NELL1: variants seen among roughly 807,000 people sequenced by gnomAD.
NELL1 encodes the protein neural EGFL like 1, also known as protein kinase C-binding protein NELL1.
A neutral mutation model predicts 107.4 loss-of-function variants in NELL1; 76 were observed. The observed-to-expected ratio is 0.71, with a 90% confidence interval of 0.59 to 0.86. The LOEUF (loss-of-function observed/expected upper bound fraction) is 0.86, where lower values mean the gene tolerates loss of function less well. Ranked by LOEUF, NELL1 falls within the 40% of genes least tolerant of loss-of-function variation. NELL1 has a pLI of 0.00. For missense variants in NELL1, 1,024 were observed against 1,005.5 expected (o/e 1.02, Z -0.25); for synonymous variants, 353 against 341.2 (o/e 1.03, Z -0.38).
At chr11:20,897,002 G>C (rs1849755667) in intron 5 of NELL1, among the ~76,000 whole-genome samples, 1 of 152,162 alleles carries the variant, frequency 6.6e-6, no homozygotes, top group African/African-American at 2.4e-5. Context: ...GTAATTTATA[G>C]ATTCAGTGCC....
chr11:20,781,186 C>T (rs965820957), intron 2 of NELL1, among the ~76,000 whole-genome samples: 2 of 152,192 alleles, frequency 1.3e-5, no homozygotes, highest in South Asian at 2.1e-4. Context: ...TGGGAGCCCA[C>T]TTAACTTGTT....
At chr11:21,123,531 T>C (rs1855420764) in intron 13 of NELL1, among the ~76,000 whole-genome samples, 1 of 152,054 alleles carries the variant, frequency 6.6e-6, no homozygotes, top group African/African-American at 2.4e-5. Flanking sequence ...GATATATGGA[T>C]ACACATATAT....
chr11:21,256,735 C>T (rs552317245), intron 14 of NELL1, among the ~76,000 whole-genome samples: 1 of 151,956 alleles, frequency 6.6e-6, no homozygotes, highest in East Asian at 1.9e-4. Flanking sequence ...AGGACAATGA[C>T]AATGCAGAAG....
At chr11:21,476,346 A>T (rs1245561972) in intron 15 of NELL1, among the ~76,000 whole-genome samples, 1 of 152,176 alleles carries the variant, frequency 6.6e-6, no homozygotes, top group Admixed American at 6.5e-5. Flanking sequence ...AATAGAGGGT[A>T]GCATACTCAC....
intron 13 of NELL1, among the ~76,000 whole-genome samples, chr11:21,173,227 G>A (rs1275265124): frequency 6.6e-6 from 1 of 151,756 alleles, no homozygotes; most frequent in Non-Finnish European, 1.5e-5. Context: ...AAAGAGTTAC[G>A]TGACGGTAGG....
chr11:21,445,294 T>C (rs1853395043), intron 15 of NELL1, among the ~76,000 whole-genome samples: 2 of 151,760 alleles, frequency 1.3e-5, no homozygotes, highest in Admixed American at 6.6e-5. Flanking sequence ...TGTTTTGTTT[T>C]GTTTTTTGTT....
At chr11:20,961,384 G>A (rs1465551390) in intron 12 of NELL1, among the ~76,000 whole-genome samples, 1 of 152,078 alleles carries the variant, frequency 6.6e-6, no homozygotes, top group Non-Finnish European at 1.5e-5. Context: ...GCTTTAATAA[G>A]CAAAGTGATG....
chr11:21,335,168 A>AG (rs1565173805), intron 14 of NELL1, among the ~76,000 whole-genome samples: 5 of 152,098 alleles, frequency 3.3e-5, no homozygotes, highest in East Asian at 1.9e-4. Context: ...ATAGCATTTT[A>AG]AATGCCTGAA....
At chr11:20,773,452 T>C (rs994577997) in intron 2 of NELL1, 2 of 152,200 alleles carry the variant, frequency 1.3e-5, no homozygotes, top group Non-Finnish European at 2.9e-5. Context: ...AGAGATTAAA[T>C]TATCCAAGGT....
At chr11:21,436,445 T>C (rs1853123266) in intron 15 of NELL1, among the ~76,000 whole-genome samples, 1 of 152,210 alleles carries the variant, frequency 6.6e-6, no homozygotes, top group African/African-American at 2.4e-5. Flanking sequence ...GTGTTCCTAA[T>C]AGTCTCTAAT....
chr11:21,557,351 C>G (rs572105176), intron 16 of NELL1, among the ~76,000 whole-genome samples: 1 of 151,954 alleles, frequency 6.6e-6, no homozygotes, highest in Non-Finnish European at 1.5e-5. Flanking sequence ...TTATGCTCAG[C>G]CTTCTTAATT....
At chr11:21,329,883 CTGT>C (rs1429280790) in intron 14 of NELL1, among the ~76,000 whole-genome samples, 1 of 152,096 alleles carries the variant, frequency 6.6e-6, no homozygotes, top group African/African-American at 2.4e-5. Context: ...CTTTGTGCCA[CTGT>C]TGTTATACTG....
At chr11:21,214,811 T>C (rs1036665534) in intron 13 of NELL1, among the ~76,000 whole-genome samples, 6 of 151,880 alleles carry the variant, frequency 4.0e-5, no homozygotes, top group Non-Finnish European at 7.4e-5. Flanking sequence ...GTGGGAAAGG[T>C]TGAGTGGGTG....
intron 14 of NELL1, among the ~76,000 whole-genome samples, chr11:21,241,465 T>C (rs919399857): frequency 2.6e-5 from 4 of 152,182 alleles, no homozygotes; most frequent in Admixed American, 6.6e-5. Context: ...TGTTATGTTA[T>C]GTAAACTAGC....
In NELL1 at chr11:21,155,322, T is replaced by C. The variant is rs112432398; in HGVS notation, c.1426+41608T>C. On this transcript the variant is annotated intron_variant, in intron 13 of 19. Coordinates refer to ENST00000357134, the MANE Select transcript of NELL1 (RefSeq NM_006157.5). ...TGGAAATGTCTAAGGATTGGGTAAA[T>C]GGATGTGTCTGAAACTCTGAGGCAC... Among the ~76,000 whole-genome samples, 1,165 of 152,158 alleles carry C rather than the reference T, an allele frequency of 7.7e-3. 9 individuals carry two copies. The highest frequency in any genetic ancestry group is 0.026 in the African/African-American group (1,072 of 41,508).
intron 2 of NELL1, among the ~76,000 whole-genome samples, chr11:20,757,332 A>G (rs1856319710): frequency 6.6e-6 from 1 of 152,112 alleles, no homozygotes; most frequent in Admixed American, 6.5e-5. Context: ...ATCACTGGGT[A>G]TAGAGAGACT....
intron 3 of NELL1, among the ~76,000 whole-genome samples, chr11:20,831,961 C>G (rs1858019030): frequency 6.6e-6 from 1 of 152,198 alleles, no homozygotes; most frequent in Non-Finnish European, 1.5e-5. Flanking sequence ...CAGGTGTCCT[C>G]TCCTGAGGAG....
intron 2 of NELL1, among the ~76,000 whole-genome samples, chr11:20,715,315 T>G (rs937362255): frequency 7.5e-6 from 1 of 133,058 alleles, no homozygotes; most frequent in Non-Finnish European, 1.6e-5. Flanking sequence ...TTTTTTTTTT[T>G]TTTAAAGAAT....
chr11:20,916,537 T>TA (rs1850260816), intron 5 of NELL1, among the ~76,000 whole-genome samples: 1 of 151,852 alleles, frequency 6.6e-6, no homozygotes, highest in East Asian at 1.9e-4. Flanking sequence ...CCATGGATGA[T>TA]AAAAATAAAA....
Sources: gnomAD v4.1 joint callset for allele counts (sites outside exome capture counted in the v4.1 genomes callset) on GRCh38, gnomAD v4.1.1 for gene constraint, MANE v1.5 for transcripts, NCBI Gene and HGNC (gene_info 2026-07-23, HGNC 2026-07-21) for gene names.